Variants in SAMD3 observed in about 807,000 individuals in gnomAD.
SAMD3 encodes the protein sterile alpha motif domain-containing protein 3.
SAMD3 carries 63 observed loss-of-function variants against 58.5 expected under a neutral mutation model. The observed-to-expected ratio is 1.08, with a 90% CI of 0.88 to 1.33. The LOEUF (loss-of-function observed/expected upper bound fraction) is 1.33. SAMD3 is among the 40% of genes most tolerant of loss of function. SAMD3 has a pLI of 0.00. For missense variants in SAMD3, 604 were observed against 608.4 expected, an observed-to-expected ratio of 0.99 and a Z score of 0.08; for synonymous variants, 220 against 210.3, an observed-to-expected ratio of 1.05 and a Z score of -0.40.
chr6:130,185,187 G>A (rs1265833049), intron 5 of SAMD3, among the ~76,000 whole-genome samples: 1 of 152,162 alleles, frequency 6.6e-6, no homozygotes, highest in Non-Finnish European at 1.5e-5. Context: ...TTTCTATGAA[G>A]GGCTACAGAA....
intron 1 of SAMD3, among the ~76,000 whole-genome samples, chr6:130,344,523 A>G (rs1419399626): frequency 6.6e-6 from 1 of 152,144 alleles, no homozygotes; most frequent in African/African-American, 2.4e-5. Context: ...CTGGGATTTC[A>G]GGCAAACACC....
intron 9 of SAMD3, among the ~76,000 whole-genome samples, chr6:130,151,510 C>T (rs1333689191): frequency 2.6e-5 from 4 of 152,084 alleles, no homozygotes; most frequent in African/African-American, 7.2e-5. Flanking sequence ...GGCGCAATCT[C>T]GGCTCACCGC....
intron 9 of SAMD3, among the ~76,000 whole-genome samples, chr6:130,146,916 G>C (rs1348793592): frequency 6.6e-6 from 1 of 152,152 alleles, no homozygotes; most frequent in Admixed American, 6.5e-5. Context: ...CGAGACTGCA[G>C]TGAACCGAGA....
intron 7 of SAMD3, among the ~76,000 whole-genome samples, chr6:130,181,050 G>A (rs1393397775): frequency 1.3e-5 from 2 of 149,132 alleles, no homozygotes; most frequent in Admixed American, 1.4e-4. Flanking sequence ...CGGTTCAAGC[G>A]ATTCTCCTGC....
chr6:130,144,387 G>A lies in SAMD3; in HGVS notation c.*133C>T. On this transcript the variant is annotated 3_prime_UTR_variant, in exon 12 of 12. Coordinates refer to ENST00000439090, the MANE Select transcript of SAMD3 (RefSeq NM_001017373.4). ...TCTAAGTGTAAAGATAGAAAGCATT[G>A]AAATTCATTAGCATCTATAAATACA... The A allele has an allele frequency of 2.6e-6, 2 of 757,016 alleles. No individual in the cohort carries two copies. The highest frequency in any genetic ancestry group is 4.2e-6 in the Non-Finnish European group (2 of 481,356). The allele number at this position is 757,016 out of a possible 1,614,324, so 46.9% of individuals were successfully genotyped here.
At chr6:130,152,044 T>C (rs1789242786) in intron 9 of SAMD3, among the ~76,000 whole-genome samples, 1 of 152,124 alleles carries the variant, frequency 6.6e-6, no homozygotes, top group African/African-American at 2.4e-5. Flanking sequence ...AGAAAGTTTT[T>C]TGAGGAAGGA....
At chr6:130,326,875 G>A (rs900293251) in intron 1 of SAMD3, among the ~76,000 whole-genome samples, 4 of 152,172 alleles carry the variant, frequency 2.6e-5, no homozygotes, top group African/African-American at 9.7e-5. Context: ...CACTACCCTG[G>A]TGGATATAGA....
chr6:130,346,381 C>T (rs186900821), intron 1 of SAMD3, among the ~76,000 whole-genome samples: 13 of 152,056 alleles, frequency 8.5e-5, no homozygotes, highest in South Asian at 2.1e-4. Context: ...ACTAATACTG[C>T]GCTTTTCCAG....
At chr6:130,245,381 C>CT (rs552409674) in intron 2 of SAMD3, among the ~76,000 whole-genome samples, 8 of 152,244 alleles carry the variant, frequency 5.3e-5, no homozygotes, top group Admixed American at 2.0e-4. Flanking sequence ...AAAACTCCCA[C>CT]TTTTTTCAGG....
chr6:130,162,131 C>A, intron 8 of SAMD3: 1 of 616,294 alleles, frequency 1.6e-6, no homozygotes, highest in South Asian at 1.9e-5. Flanking sequence ...GTATAAAGAG[C>A]GTATGCTATG....
At chr6:130,287,213 C>T (rs1367052532) in intron 2 of SAMD3, among the ~76,000 whole-genome samples, 5 of 152,204 alleles carry the variant, frequency 3.3e-5, no homozygotes, top group African/African-American at 4.8e-5. Flanking sequence ...AAACAATTCT[C>T]ATCCTTTGAC....
At chr6:130,339,555 C>T (rs1034506126) in intron 1 of SAMD3, among the ~76,000 whole-genome samples, 2 of 152,184 alleles carry the variant, frequency 1.3e-5, no homozygotes, top group African/African-American at 4.8e-5. Flanking sequence ...GTGCCTGCTT[C>T]CCCTTCTGCC....
rs182517722 is a variant in SAMD3 at position 130,208,909 on chromosome 6, G to A, written c.383+586C>T. 3.8e-3 allele frequency among the ~76,000 whole-genome samples: 572 copies of A among 152,222 alleles called. 2 individuals carry two copies. The highest frequency in any genetic ancestry group is 0.013 in the African/African-American group (540 of 41,536). The stretch of plus-strand genomic sequence containing the variant: ...TATTCTAGGGGATGCCGTGACCTCC[G>A]TATCATATCTTACCTATGACCATCT... On this transcript the variant is annotated intron_variant, in intron 5 of 11. Coordinates refer to ENST00000439090, the MANE Select transcript of SAMD3 (RefSeq NM_001017373.4).
chr6:130,200,453 G>A (rs1010444992), intron 5 of SAMD3, among the ~76,000 whole-genome samples: 2 of 150,296 alleles, frequency 1.3e-5, no homozygotes, highest in Admixed American at 6.7e-5. Flanking sequence ...GGAGGCTGAG[G>A]CAGGAGAATT....
chr6:130,227,788 CA>C (rs113229702), upstream of SAMD3, among the ~76,000 whole-genome samples: 15,079 of 126,504 alleles, frequency 0.12, 964 homozygotes, highest in Admixed American at 0.18. Flanking sequence ...AACTCCATCT[CA>C]AAAAAAAAAA....
intron 7 of SAMD3, among the ~76,000 whole-genome samples, chr6:130,181,591 T>C (rs1281086541): frequency 6.6e-6 from 1 of 152,204 alleles, no homozygotes. Flanking sequence ...GAAAGCATTA[T>C]TTGTTACTTT....
intron 2 of SAMD3, among the ~76,000 whole-genome samples, chr6:130,248,707 A>G (rs752602124): frequency 6.6e-6 from 1 of 152,172 alleles, no homozygotes; most frequent in Non-Finnish European, 1.5e-5. Flanking sequence ...GACCGAAACC[A>G]TGGGCAGAAC....
chr6:130,273,290 T>A (rs1353404896), intron 2 of SAMD3, among the ~76,000 whole-genome samples: 5 of 152,134 alleles, frequency 3.3e-5, no homozygotes, highest in Admixed American at 3.3e-4. Flanking sequence ...AAGGTCTGTT[T>A]TGTTTGACAG....
chr6:130,228,684 G>T (rs184455776), intron 2 of SAMD3, among the ~76,000 whole-genome samples: 6 of 152,208 alleles, frequency 3.9e-5, no homozygotes, highest in Non-Finnish European at 8.8e-5. Context: ...ATGTTTTCAC[G>T]CATGTTCCTC....
Sources: allele counts gnomAD v4.1 joint callset (sites outside exome capture counted in the v4.1 genomes callset), GRCh38; gene constraint gnomAD v4.1.1; transcripts MANE v1.5; gene names NCBI Gene and HGNC (gene_info 2026-07-23, HGNC 2026-07-21).